Variants in DLC1 observed in about 807,000 individuals in gnomAD.
DLC1 encodes DLC1 Rho GTPase activating protein.
A neutral mutation model predicts 140.3 loss-of-function variants in DLC1; 54 were observed. That is an observed-to-expected ratio of 0.38 (90% CI 0.31 to 0.48). DLC1 has a LOEUF of 0.48. Ranked by LOEUF, DLC1 falls within the 20% of genes least tolerant of loss-of-function variation. The pLI is 0.96. For synonymous variants in DLC1, 986 were observed against 728.1 expected (o/e 1.35, Z -5.70); for missense variants, 2,536 against 1,907.0 (o/e 1.33, Z -6.14).
At chr8:13,395,219 C>T (rs1449379731) in intron 3 of DLC1, among the ~76,000 whole-genome samples, 1 of 151,644 alleles carries the variant, frequency 6.6e-6, no homozygotes, top group Non-Finnish European at 1.5e-5. Flanking sequence ...CTCCTGAGTT[C>T]ATGCAATTCT....
intron 2 of DLC1, among the ~76,000 whole-genome samples, chr8:13,472,369 G>A (rs1254676694): frequency 6.6e-6 from 1 of 152,098 alleles, no homozygotes; most frequent in African/African-American, 2.4e-5. Flanking sequence ...GGAATGAGAA[G>A]GTGGAAATTT....
intron 1 of DLC1, among the ~76,000 whole-genome samples, chr8:13,587,755 G>A (rs1805380752): frequency 6.6e-6 from 1 of 151,618 alleles, no homozygotes; most frequent in East Asian, 1.9e-4. Context: ...TTTTAATACA[G>A]CAATCAGAGA....
At chr8:13,439,277 T>C (rs1052594268) in intron 2 of DLC1, among the ~76,000 whole-genome samples, 2 of 152,046 alleles carry the variant, frequency 1.3e-5, no homozygotes, top group Non-Finnish European at 2.9e-5. Context: ...TGAGCAGAGA[T>C]TGTGCCACTG....
intron 4 of DLC1, among the ~76,000 whole-genome samples, chr8:13,307,565 TACATTCGCTCTTTTGTGAAA>T (rs1446197788): frequency 6.6e-6 from 1 of 152,226 alleles, no homozygotes; most frequent in Non-Finnish European, 1.5e-5. Flanking sequence ...GGTTTTAAAA[TACATTCGCTCTTTTGTGAAA>T]AGTGAACGAA....
intron 2 of DLC1, among the ~76,000 whole-genome samples, chr8:13,497,155 A>G (rs1209045691): frequency 2.0e-5 from 3 of 152,168 alleles, no homozygotes; most frequent in Non-Finnish European, 4.4e-5. Flanking sequence ...TTTCAGTAAC[A>G]TGCAATATAG....
chr8:13,279,539 G>A (rs1465123064), intron 5 of DLC1, among the ~76,000 whole-genome samples: 2 of 152,160 alleles, frequency 1.3e-5, no homozygotes, highest in African/African-American at 4.8e-5. Context: ...GTGCAGCTAA[G>A]CATTTTTGAG....
chr8:13,587,744 A>T (rs1167880529), intron 1 of DLC1, among the ~76,000 whole-genome samples: 1 of 151,650 alleles, frequency 6.6e-6, no homozygotes, highest in African/African-American at 2.4e-5. Flanking sequence ...ATATGTTGAT[A>T]TTTTAATACA....
At position 13,264,801 on chromosome 8, in the gene DLC1, C is replaced by T. The variant is rs148646379; in HGVS notation, c.1348+40468G>A. Reference sequence around the variant, plus strand: ...TTTTTGGGAAGCAAAGATAACAATTCCAAGTGTTAACCAAATGATATTGAA... The same window carrying T: ...TTTTTGGGAAGCAAAGATAACAATTTCAAGTGTTAACCAAATGATATTGAA... On this transcript the variant is annotated intron_variant, in intron 5 of 17. Transcript: ENST00000276297. Among the ~76,000 whole-genome samples, 942 of 152,190 alleles carry T rather than the reference C, an allele frequency of 6.2e-3. 13 individuals are homozygous for T. The highest frequency in any genetic ancestry group is 0.022 in the African/African-American group (899 of 41,520).
At chr8:13,232,039 T>C (rs1281366694) in intron 5 of DLC1, among the ~76,000 whole-genome samples, 2 of 152,174 alleles carry the variant, frequency 1.3e-5, no homozygotes, top group African/African-American at 4.8e-5. Flanking sequence ...CATCCATGGC[T>C]TCTCAGTTCT....
intron 2 of DLC1, among the ~76,000 whole-genome samples, chr8:13,411,081 G>A (rs1837760830): frequency 6.6e-6 from 1 of 152,132 alleles, no homozygotes; most frequent in Non-Finnish European, 1.5e-5. Context: ...ATTCAAATGA[G>A]TTGAAAATGT....
At chr8:13,583,915 T>C (rs998397978) in intron 1 of DLC1, 8 of 152,284 alleles carry the variant, frequency 5.3e-5, no homozygotes, top group Non-Finnish European at 8.8e-5. Context: ...AAACATGCAC[T>C]GGATGACATC....
intron 1 of DLC1, among the ~76,000 whole-genome samples, chr8:13,501,647 A>C (rs1282519430): frequency 6.6e-6 from 1 of 152,174 alleles, no homozygotes; most frequent in African/African-American, 2.4e-5. Flanking sequence ...GTCTGTAAAA[A>C]CTGGCGAAAT....
intron 5 of DLC1, among the ~76,000 whole-genome samples, chr8:13,142,466 A>G (rs1015499408): frequency 6.6e-6 from 1 of 152,236 alleles, no homozygotes; most frequent in Admixed American, 6.5e-5. Context: ...AGTCTGCTAA[A>G]TTTCATAACC....
intron 4 of DLC1, among the ~76,000 whole-genome samples, chr8:13,376,992 A>G (rs190861734): frequency 5.2e-4 from 79 of 152,346 alleles, no homozygotes; most frequent in African/African-American, 1.5e-3. Context: ...AGTGACAAAA[A>G]GCAGTAGCTA....
intron 4 of DLC1, among the ~76,000 whole-genome samples, chr8:13,307,010 G>C (rs901171949): frequency 1.4e-5 from 2 of 147,946 alleles, no homozygotes; most frequent in South Asian, 4.3e-4. Flanking sequence ...CTTGAACCCG[G>C]GAGATAGAAG....
At chr8:13,133,244 C>T (rs1822275939) in intron 5 of DLC1, 1 of 1,382,668 alleles carries the variant, frequency 7.2e-7, no homozygotes, top group Non-Finnish European at 9.3e-7. Flanking sequence ...GCGGCCATGT[C>T]CTGGCTGGGA....
At chr8:13,265,248 T>C (rs1335358883) in intron 5 of DLC1, among the ~76,000 whole-genome samples, 2 of 152,186 alleles carry the variant, frequency 1.3e-5, no homozygotes, top group South Asian at 2.1e-4. Context: ...GAGAGAAATA[T>C]GGAACAGGGC....
In DLC1 at chr8:13,233,293, TAAAAAAAAAAA is replaced by T. The variant is rs71207134; in HGVS notation, c.1348+71965_1348+71975del. On this transcript the variant is annotated intron_variant, in intron 5 of 17. Transcript: ENST00000276297. ...CTGGGCGATAGAATAAGACTCTGTA[TAAAAAAAAAAA>T]AAAAAAAAAAAAAAAAAAAAAGAGT... Among the ~76,000 whole-genome samples, 46 of 70,402 alleles carry T rather than the reference TAAAAAAAAAAA, an allele frequency of 6.5e-4. 1 individual carries two copies. The highest frequency in any genetic ancestry group is 9.2e-4 in the Non-Finnish European group (35 of 38,160). 46.2% of individuals were successfully genotyped at this position (70,402 alleles called of 152,430 possible). A position where few individuals can be genotyped will look rare whatever the true frequency, so the allele number is the denominator to read the frequency against.
At chr8:13,252,759 T>A (rs553812940) in intron 5 of DLC1, among the ~76,000 whole-genome samples, 1 of 152,172 alleles carries the variant, frequency 6.6e-6, no homozygotes, top group Non-Finnish European at 1.5e-5. Flanking sequence ...AAGATTTACG[T>A]CATGCTCCAA....
Sources: gnomAD v4.1 joint callset for allele counts (sites outside exome capture counted in the v4.1 genomes callset) on GRCh38, gnomAD v4.1.1 for gene constraint, MANE v1.5 for transcripts, NCBI Gene and HGNC (gene_info 2026-07-23, HGNC 2026-07-21) for gene names.